Variants in PDE1A observed in about 807,000 individuals in gnomAD.
The protein encoded by PDE1A is dual specificity calcium/calmodulin-dependent 3',5'-cyclic nucleotide phosphodiesterase 1A.
PDE1A carries 35 observed loss-of-function variants against 61.7 expected under a neutral mutation model. That is an observed-to-expected ratio of 0.57 (90% CI 0.43 to 0.75). PDE1A has a LOEUF of 0.75. Ranked by LOEUF, PDE1A falls within the 30% of genes least tolerant of loss-of-function variation. PDE1A has a pLI of 0.00. For synonymous variants in PDE1A, 232 were observed against 213.2 expected (o/e 1.09, Z -0.77); for missense variants, 597 against 630.6 (o/e 0.95, Z 0.57).
At chr2:182,452,278 T>G (rs1262664451) in intron 2 of PDE1A, among the ~76,000 whole-genome samples, 1 of 152,100 alleles carries the variant, frequency 6.6e-6, no homozygotes, top group African/African-American at 2.4e-5. Flanking sequence ...CTGTGAGGTC[T>G]CAAGTTATTT....
At chr2:182,241,488 A>G (rs1204912600) in intron 2 of PDE1A, among the ~76,000 whole-genome samples, 3 of 152,206 alleles carry the variant, frequency 2.0e-5, no homozygotes, top group African/African-American at 7.2e-5. Flanking sequence ...AAAAGCAGGG[A>G]CAAAACAAAG....
intron 1 of PDE1A, among the ~76,000 whole-genome samples, chr2:182,273,157 G>A (rs1693155493): frequency 6.6e-6 from 1 of 151,926 alleles, no homozygotes; most frequent in South Asian, 2.1e-4. Context: ...TCACTTCTGG[G>A]GAATTGACTG....
chr2:182,415,140 T>G (rs1311010079), intron 1 of PDE1A, among the ~76,000 whole-genome samples: 1 of 152,150 alleles, frequency 6.6e-6, no homozygotes, highest in Non-Finnish European at 1.5e-5. Context: ...ATATATTGCC[T>G]TCAATAAAGA....
intron 1 of PDE1A, among the ~76,000 whole-genome samples, chr2:182,358,670 T>C (rs934005774): frequency 3.3e-5 from 5 of 152,162 alleles, no homozygotes; most frequent in African/African-American, 1.2e-4. Flanking sequence ...AGCTAATAGC[T>C]AACATTTTTT....
chr2:182,535,633 G>A, the PDE1A span, among the ~76,000 whole-genome samples: 1 of 151,866 alleles, frequency 6.6e-6, no homozygotes, highest in Non-Finnish European at 1.5e-5. Context: ...TTCTCTTTTG[G>A]GAAGTCTTTT....
At chr2:182,469,279 A>G (rs1686875018) in intron 2 of PDE1A, among the ~76,000 whole-genome samples, 1 of 151,956 alleles carries the variant, frequency 6.6e-6, no homozygotes, top group African/African-American at 2.4e-5. Flanking sequence ...CAATAATCTT[A>G]GCCAGATCTT....
At chr2:182,191,858 A>T (rs112013501) in intron 10 of PDE1A, among the ~76,000 whole-genome samples, 430 of 136,398 alleles carry the variant, frequency 3.2e-3, no homozygotes, top group Non-Finnish European at 5.6e-3. Flanking sequence ...TTTTTTTTTT[A>T]TTTTTTTATT....
chr2:182,348,409 A>T (rs1485471731), intron 1 of PDE1A, among the ~76,000 whole-genome samples: 3 of 151,952 alleles, frequency 2.0e-5, no homozygotes, highest in East Asian at 1.9e-4. Flanking sequence ...GGATTCTGTG[A>T]CCTCTGACTT....
intron 1 of PDE1A, among the ~76,000 whole-genome samples, chr2:182,264,683 A>C (rs1175334017): frequency 1.3e-5 from 2 of 151,516 alleles, no homozygotes; most frequent in Non-Finnish European, 2.9e-5. Context: ...AGTCTTCCTG[A>C]AAATTCAAGA....
intron 8 of PDE1A, 119 bp downstream of exon 8, chr2:182,205,821 A>G: frequency 1.2e-6 from 1 of 818,382 alleles, no homozygotes; most frequent in Non-Finnish European, 1.9e-6. Context: ...TCCAGTCGAC[A>G]GTAATTAAGT....
At chr2:182,207,857 A>T (rs984796271) in intron 7 of PDE1A, among the ~76,000 whole-genome samples, 1 of 152,218 alleles carries the variant, frequency 6.6e-6, no homozygotes, top group African/African-American at 2.4e-5. Context: ...CAGCTGCTCT[A>T]GCTCCAGTCG....
At chr2:182,153,740 T>C (rs554554318) in intron 13 of PDE1A, among the ~76,000 whole-genome samples, 5 of 152,218 alleles carry the variant, frequency 3.3e-5, no homozygotes, top group Admixed American at 1.3e-4. Context: ...ATGGAAATGA[T>C]CAGATTTGGC....
chr2:182,298,389 A>G (rs1441690500), intron 1 of PDE1A, among the ~76,000 whole-genome samples: 1 of 152,176 alleles, frequency 6.6e-6, no homozygotes, highest in Non-Finnish European at 1.5e-5. Context: ...AGCTGGAGTA[A>G]TATGTTGCCT....
rs534578788 is a variant in PDE1A, at chr2:182,329,549, C to T, written c.54-65135G>A. Among the ~76,000 whole-genome samples, 22 of 152,152 alleles carry T rather than the reference C, an allele frequency of 1.4e-4. No individual in the cohort carries two copies. In the South Asian group the frequency reaches 4.4e-3, roughly 30 times the overall value. On this transcript the variant is annotated intron_variant, in intron 1 of 13. Transcript: ENST00000351439. Reference sequence around the variant, plus strand: ...GGATTACAGGCACCCGCCAGCAGCCCGAGCTAATTTTTTGTATTTTTAGTA... The same window carrying T: ...GGATTACAGGCACCCGCCAGCAGCCTGAGCTAATTTTTTGTATTTTTAGTA...
At chr2:182,380,196 C>G (rs369336347) in intron 1 of PDE1A, among the ~76,000 whole-genome samples, 1 of 150,842 alleles carries the variant, frequency 6.6e-6, no homozygotes, top group Admixed American at 6.6e-5. Context: ...CTGCAAGCTC[C>G]GCCTCCTGGG....
At chr2:182,206,378 C>A (rs1437493721) in intron 7 of PDE1A, among the ~76,000 whole-genome samples, 1 of 152,142 alleles carries the variant, frequency 6.6e-6, no homozygotes, top group African/African-American at 2.4e-5. Flanking sequence ...ATTTTTGTTA[C>A]AATTGATGAA....
intron 1 of PDE1A, among the ~76,000 whole-genome samples, chr2:182,395,523 T>A (rs191752989): frequency 6.6e-6 from 1 of 152,196 alleles, no homozygotes; most frequent in Middle Eastern, 3.2e-3. Flanking sequence ...AGGTGAAAGA[T>A]AAGTTGCTGC....
intron 2 of PDE1A, among the ~76,000 whole-genome samples, chr2:182,243,608 G>T (rs1690726789): frequency 6.6e-6 from 1 of 152,178 alleles, no homozygotes. Flanking sequence ...GCAATGGCAG[G>T]TCATTGAATT....
At chr2:182,162,214 G>T (rs1031126232) in intron 13 of PDE1A, among the ~76,000 whole-genome samples, 3 of 152,126 alleles carry the variant, frequency 2.0e-5, no homozygotes, top group African/African-American at 7.2e-5. Context: ...GAAAACAAAT[G>T]CAATGGGAAT....
Sources: gnomAD v4.1 joint callset for allele counts (sites outside exome capture counted in the v4.1 genomes callset) on GRCh38, gnomAD v4.1.1 for gene constraint, MANE v1.5 for transcripts, NCBI Gene and HGNC (gene_info 2026-07-23, HGNC 2026-07-21) for gene names.